Variants in RBFOX1 observed in about 807,000 individuals in gnomAD.
The protein encoded by RBFOX1 is RNA binding protein fox-1 homolog 1.
A neutral mutation model predicts 57.7 loss-of-function variants in RBFOX1; 8 were observed. The observed-to-expected ratio is 0.14, with a 90% CI of 0.08 to 0.25. RBFOX1 has a LOEUF of 0.25. Among genes scored for constraint, RBFOX1 ranks in the 10% least tolerant of loss-of-function variants. The pLI, the probability that RBFOX1 is intolerant of heterozygous loss-of-function variation, is 1.00. For missense variants in RBFOX1, 611 were observed against 548.5 expected (o/e 1.11, Z -1.14); for synonymous variants, 326 against 222.4 (o/e 1.47, Z -4.15).
intron 4 of RBFOX1, among the ~76,000 whole-genome samples, chr16:7,152,044 C>G (rs572140872): frequency 6.6e-6 from 1 of 152,288 alleles, no homozygotes; most frequent in Non-Finnish European, 1.5e-5. Context: ...TTATGGACCC[C>G]TGCTCTAGAG....
At chr16:5,829,882 G>C (rs1201696505) in intron 3 of RBFOX1, among the ~76,000 whole-genome samples, 1 of 152,140 alleles carries the variant, frequency 6.6e-6, no homozygotes, top group African/African-American at 2.4e-5. Flanking sequence ...GGGAAGAAAA[G>C]GCCTTTGGTT....
chr16:7,235,154 A>G (rs958340791), intron 4 of RBFOX1, among the ~76,000 whole-genome samples: 4 of 152,214 alleles, frequency 2.6e-5, no homozygotes, highest in Admixed American at 2.6e-4. Flanking sequence ...CTAATAATAA[A>G]CATTCATTTG....
At chr16:6,935,465 T>C (rs1376208518) in intron 3 of RBFOX1, among the ~76,000 whole-genome samples, 2 of 152,222 alleles carry the variant, frequency 1.3e-5, no homozygotes, top group African/African-American at 4.8e-5. Context: ...TTTGCAATAA[T>C]GAATGATTAC....
At chr16:5,396,169 CT>C (rs2066548572) in intron 1 of RBFOX1, among the ~76,000 whole-genome samples, 1 of 152,204 alleles carries the variant, frequency 6.6e-6, no homozygotes, top group African/African-American at 2.4e-5. Context: ...CATATTAATA[CT>C]TATGCTAAAT....
chr16:7,233,855 A>G (rs771235160), intron 4 of RBFOX1, among the ~76,000 whole-genome samples: 1 of 152,190 alleles, frequency 6.6e-6, no homozygotes, highest in Non-Finnish European at 1.5e-5. Flanking sequence ...AACAAGGTTT[A>G]TTTCTGCCGA....
intron 4 of RBFOX1, among the ~76,000 whole-genome samples, chr16:5,873,066 C>G (rs1479506491): frequency 1.3e-5 from 2 of 152,152 alleles, no homozygotes; most frequent in South Asian, 2.1e-4. Flanking sequence ...AAGAGAATAG[C>G]TTGAACCCAG....
chr16:5,652,375 C>T (rs1001437844), intron 3 of RBFOX1, among the ~76,000 whole-genome samples: 1 of 152,158 alleles, frequency 6.6e-6, no homozygotes, highest in Non-Finnish European at 1.5e-5. Context: ...GAATGCAGAT[C>T]GGTCTGACCC....
intron 3 of RBFOX1, among the ~76,000 whole-genome samples, chr16:5,839,113 A>C (rs1012361450): frequency 2.0e-5 from 3 of 152,214 alleles, no homozygotes; most frequent in Admixed American, 6.5e-5. Flanking sequence ...CCCAAATTTC[A>C]ACAGTACTAA....
rs183460577 is a variant in RBFOX1 at position 5,968,230 on chromosome 16, A to T, written c.351+100895A>T. ...GCTGGGATTATGGGCATGTACCACC[A>T]TGCCCGGTTAATTTTTGTATTTTTA... is the stretch of plus-strand genomic sequence containing the variant. On this transcript the variant is annotated intron_variant, in intron 4 of 19. Transcript: ENST00000641259. Among the ~76,000 whole-genome samples, 13 of 152,054 alleles carry T rather than the reference A, an allele frequency of 8.5e-5. No homozygotes were observed. The East Asian group carries it at 2.5e-3, about 30-fold the overall frequency.
chr16:7,409,143 A>G (rs1255438061), intron 4 of RBFOX1, among the ~76,000 whole-genome samples: 2 of 152,156 alleles, frequency 1.3e-5, no homozygotes, highest in African/African-American at 4.8e-5. Flanking sequence ...CCGGCCTGTG[A>G]TCAGGTTCCG....
At chr16:6,931,295 G>GTCTGTCTATCTA (rs1286990133) in intron 3 of RBFOX1, among the ~76,000 whole-genome samples, 1 of 136,234 alleles carries the variant, frequency 7.3e-6, no homozygotes. Context: ...CTGTCTGTCT[G>GTCTGTCTATCTA]TCTATCTATC....
At chr16:5,632,023 A>G (rs1360329529) in intron 3 of RBFOX1, among the ~76,000 whole-genome samples, 2 of 152,164 alleles carry the variant, frequency 1.3e-5, no homozygotes, top group East Asian at 3.9e-4. Flanking sequence ...GGAGGATTGG[A>G]TGTCTGAGCT....
At chr16:7,567,806 T>G (rs2092263736) in intron 5 of RBFOX1, among the ~76,000 whole-genome samples, 1 of 147,956 alleles carries the variant, frequency 6.8e-6, no homozygotes, top group East Asian at 2.0e-4. Context: ...CCTATATATA[T>G]CCCCATATAT....
chr16:6,023,564 C>T (rs1360336477), intron 1 of RBFOX1, among the ~76,000 whole-genome samples: 1 of 152,086 alleles, frequency 6.6e-6, no homozygotes, highest in Non-Finnish European at 1.5e-5. Context: ...AGAGGGAAAT[C>T]GTATTTGACA....
chr16:7,660,205 A>G (rs1368534977), intron 12 of RBFOX1, among the ~76,000 whole-genome samples: 1 of 152,172 alleles, frequency 6.6e-6, no homozygotes, highest in Non-Finnish European at 1.5e-5. Context: ...CATTCATTCA[A>G]ATATTTAACT....
chr16:7,618,748 G>C (rs2058854470), intron 10 of RBFOX1, among the ~76,000 whole-genome samples: 1 of 152,126 alleles, frequency 6.6e-6, no homozygotes, highest in South Asian at 2.1e-4. Context: ...ATATAAAACA[G>C]AGCTGTCCTG....
At chr16:5,510,705 A>T (rs1406750534) in intron 2 of RBFOX1, among the ~76,000 whole-genome samples, 1 of 152,146 alleles carries the variant, frequency 6.6e-6, no homozygotes, top group Non-Finnish European at 1.5e-5. Context: ...TCTTGGAACC[A>T]AGCTTGGTAC....
At chr16:7,477,315 A>G (rs1018785849) in intron 4 of RBFOX1, among the ~76,000 whole-genome samples, 9 of 152,144 alleles carry the variant, frequency 5.9e-5, no homozygotes, top group Non-Finnish European at 1.2e-4. Context: ...TATTCATATC[A>G]TCTATTTCAG....
At chr16:6,384,576 A>T (rs1178677344) in intron 2 of RBFOX1, among the ~76,000 whole-genome samples, 2 of 152,188 alleles carry the variant, frequency 1.3e-5, no homozygotes, top group Non-Finnish European at 2.9e-5. Flanking sequence ...CTTATTATGG[A>T]ATCTGAGGGT....
Sources: gnomAD v4.1 joint callset for allele counts (sites outside exome capture counted in the v4.1 genomes callset) on GRCh38, gnomAD v4.1.1 for gene constraint, MANE v1.5 for transcripts, NCBI Gene and HGNC (gene_info 2026-07-23, HGNC 2026-07-21) for gene names.